Variants in PCDHA3 observed in about 807,000 individuals in gnomAD.
The protein encoded by PCDHA3 is protocadherin alpha-3.
Under a neutral mutation model 62.2 loss-of-function variants are expected in PCDHA3, and 41 were observed. The observed-to-expected ratio is 0.66, with a 90% confidence interval of 0.51 to 0.86. The LOEUF is 0.86. PCDHA3 is among the 40% of genes least tolerant of loss of function. The pLI is 0.00. For missense variants in PCDHA3, 1,304 were observed against 1,241.2 expected, an observed-to-expected ratio of 1.05 and a Z score of -0.76; for synonymous variants, 640 against 555.4, an observed-to-expected ratio of 1.15 and a Z score of -2.14.
intron 1 of PCDHA3, chr5:140,843,770 C>A: frequency 6.8e-7 from 1 of 1,463,438 alleles, no homozygotes; most frequent in Non-Finnish European, 9.4e-7. Flanking sequence ...ATTGTAGTTA[C>A]TTTAAAAGTG....
chr5:140,997,132 C>A (rs1189394609), intron 3 of PCDHA3, among the ~76,000 whole-genome samples: 1 of 152,076 alleles, frequency 6.6e-6, no homozygotes, highest in Non-Finnish European at 1.5e-5. Flanking sequence ...CACAATGCCC[C>A]CACACCCCCG....
intron 1 of PCDHA3, among the ~76,000 whole-genome samples, chr5:140,885,108 T>C (rs986059469): frequency 6.6e-6 from 1 of 152,226 alleles, no homozygotes; most frequent in Non-Finnish European, 1.5e-5. Flanking sequence ...AAATGCTTTT[T>C]TTAAGTGCAC....
At chr5:140,903,515 G>T (rs542642607) in intron 1 of PCDHA3, among the ~76,000 whole-genome samples, 1 of 152,244 alleles carries the variant, frequency 6.6e-6, no homozygotes, top group Non-Finnish European at 1.5e-5. Context: ...TAGTTCTATT[G>T]TGTTGTTCAC....
chr5:140,975,461 G>A (rs2096668419), intron 1 of PCDHA3, among the ~76,000 whole-genome samples: 1 of 152,196 alleles, frequency 6.6e-6, no homozygotes, highest in Non-Finnish European at 1.5e-5. Context: ...GGCCATCTTG[G>A]AATTCTGCCT....
intron 1 of PCDHA3, among the ~76,000 whole-genome samples, chr5:140,846,053 A>T (rs2150384240): frequency 6.7e-6 from 1 of 149,910 alleles, no homozygotes; most frequent in East Asian, 1.9e-4. Context: ...AACACCACCT[A>T]TGTGGGAAAA....
At chr5:140,809,149 C>G in intron 1 of PCDHA3, 1 of 1,613,944 alleles carries the variant, frequency 6.2e-7, no homozygotes. Context: ...TGAAGGACCA[C>G]GGCGAGCCCG....
At chr5:140,926,470 GT>G (rs1204371892) in intron 1 of PCDHA3, 7 of 162,858 alleles carry the variant, frequency 4.3e-5, no homozygotes, top group Non-Finnish European at 9.2e-5. Context: ...AGAAAACACC[GT>G]TTAAGGAGAG....
rs112749867 is a variant in PCDHA3 at position 140,870,111 on chromosome 5, G to T, written c.2394+66520G>T. On this transcript the variant is annotated intron_variant, in intron 1 of 3. Coordinates refer to ENST00000522353, the MANE Select transcript of PCDHA3 (RefSeq NM_018906.3). ...CAATGGCAGGTCACTGTACAGTCTG[G>T]GTGGAAATCTTGGACACCAACGATA... is the stretch of plus-strand genomic sequence containing the variant. 32 of 1,613,880 alleles carry T rather than the reference G, an allele frequency of 2.0e-5. 1 individual carries two copies. In the African/African-American group the frequency reaches 2.0e-4, roughly 10 times the overall value.
intron 1 of PCDHA3, chr5:140,863,004 G>A (rs1236967953): frequency 1.8e-6 from 1 of 551,012 alleles, no homozygotes; most frequent in African/African-American, 1.9e-5. Flanking sequence ...GTGGACTCCA[G>A]CTATGACGCC....
chr5:140,823,509 G>A (rs1350643450), intron 1 of PCDHA3: 1 of 1,613,414 alleles, frequency 6.2e-7, no homozygotes, highest in Non-Finnish European at 8.5e-7. Flanking sequence ...CAGTGAGCGA[G>A]CTGGTGCCGA....
chr5:140,887,835 C>A (rs2061600577), intron 1 of PCDHA3, among the ~76,000 whole-genome samples: 1 of 152,106 alleles, frequency 6.6e-6, no homozygotes, highest in Admixed American at 6.6e-5. Context: ...TTTTGAATAT[C>A]TTTTATTGAC....
intron 1 of PCDHA3, chr5:140,854,159 C>CA (rs59855104): frequency 0.067 from 22,471 of 337,648 alleles, 281 homozygotes; most frequent in African/African-American, 0.075. Flanking sequence ...GATTCTGTCT[C>CA]AAAAAAAAAA....
intron 1 of PCDHA3, chr5:140,857,523 C>T: frequency 1.9e-6 from 3 of 1,597,998 alleles, no homozygotes; most frequent in South Asian, 2.2e-5. Flanking sequence ...GTGTCCTACT[C>T]TCTGGTGGAG....
At chr5:140,879,026 A>G (rs1381722750) in intron 1 of PCDHA3, among the ~76,000 whole-genome samples, 2 of 152,234 alleles carry the variant, frequency 1.3e-5, no homozygotes, top group Non-Finnish European at 2.9e-5. Context: ...GTTTTATTGA[A>G]GAGTGTCTTG....
chr5:141,004,142 G>A (rs1323224367), intron 3 of PCDHA3, among the ~76,000 whole-genome samples: 2 of 152,214 alleles, frequency 1.3e-5, no homozygotes, highest in African/African-American at 4.8e-5. Flanking sequence ...TGCCCCAAAG[G>A]CATGACATTT....
At chr5:140,814,851 C>T (rs1174048705) in intron 1 of PCDHA3, 1 of 152,152 alleles carries the variant, frequency 6.6e-6, no homozygotes, top group Non-Finnish European at 1.5e-5. Context: ...ATGTTTGCCT[C>T]ATATATTTAG....
chr5:140,886,492 C>A (rs2060999452), intron 1 of PCDHA3, among the ~76,000 whole-genome samples: 1 of 152,036 alleles, frequency 6.6e-6, no homozygotes, highest in Non-Finnish European at 1.5e-5. Flanking sequence ...TAAAATATAT[C>A]TTTTTCCTTT....
At position 140,802,522 on chromosome 5, in the gene PCDHA3, C is replaced by T. The variant is rs781874116; in HGVS notation, c.1325C>T (p.Ser442Phe). Residue 442 changes from serine to phenylalanine, a missense_variant, in exon 1 of 4, where the codon TCC becomes TTC. By Grantham distance (155) the Ser-to-Phe change is radical. Transcript: ENST00000522353. ...SPSLWATASV[S>F]VEVADVNDNA... ...TCACTGTGGGCCACGGCCAGCGTGT[C>T]CGTGGAGGTGGCCGACGTGAACGAC... is the stretch of plus-strand genomic sequence containing the variant. 2.5e-6 allele frequency: 4 copies of T among 1,614,158 alleles called. No homozygotes were observed. In the South Asian group the frequency reaches 4.4e-5, roughly 18 times the overall value.
At chr5:140,952,058 T>C (rs889374877) in intron 1 of PCDHA3, among the ~76,000 whole-genome samples, 1 of 152,096 alleles carries the variant, frequency 6.6e-6, no homozygotes, top group African/African-American at 2.4e-5. Flanking sequence ...ATCTTAAAGC[T>C]CCAAATAATC....
Sources: allele counts gnomAD v4.1 joint callset (sites outside exome capture counted in the v4.1 genomes callset), GRCh38; gene constraint gnomAD v4.1.1; transcripts MANE v1.5; gene names NCBI Gene and HGNC (gene_info 2026-07-23, HGNC 2026-07-21).